Variants in C21orf58 observed in about 807,000 individuals in gnomAD.
The protein encoded by C21orf58 is chromosome 21 open reading frame 58, also known as uncharacterized protein C21orf58.
A neutral mutation model predicts 35.8 loss-of-function variants in C21orf58; 34 were observed. The observed-to-expected ratio is 0.95, with a 90% CI of 0.72 to 1.26. The LOEUF (loss-of-function observed/expected upper bound fraction) is 1.26, where lower values mean the gene tolerates loss of function less well. C21orf58 is among the 50% of genes most tolerant of loss of function. C21orf58 has a pLI of 0.00. For synonymous variants in C21orf58, 191 were observed against 175.8 expected, an observed-to-expected ratio of 1.09 and a Z score of -0.68; for missense variants, 440 against 414.3, an observed-to-expected ratio of 1.06 and a Z score of -0.54.
chr21:46,313,354 G>A (rs963447226), intron 5 of C21orf58, among the ~76,000 whole-genome samples: 4 of 152,192 alleles, frequency 2.6e-5, no homozygotes, highest in African/African-American at 7.2e-5. Flanking sequence ...GGCCAGCTCC[G>A]GTCTGAAGCT....
intron 1 of C21orf58, among the ~76,000 whole-genome samples, chr21:46,321,871 GGTGA>G (rs1213027352): frequency 6.6e-6 from 1 of 150,426 alleles, no homozygotes; most frequent in East Asian, 1.9e-4. Flanking sequence ...CCTCCTTGAG[GGTGA>G]GTATCTACAA....
chr21:46,321,425 A>G (rs969833042), intron 1 of C21orf58, among the ~76,000 whole-genome samples: 1 of 152,188 alleles, frequency 6.6e-6, no homozygotes, highest in Non-Finnish European at 1.5e-5. Context: ...ACACTTTGAC[A>G]GTTTCCTTAG....
intron 1 of C21orf58, 44 bp downstream of exon 1, chr21:46,322,595 A>T: frequency 6.9e-7 from 1 of 1,448,364 alleles, no homozygotes; most frequent in Non-Finnish European, 9.2e-7. Context: ...AAACCACCCA[A>T]TTCCGAGTCT....
intron 6 of C21orf58, among the ~76,000 whole-genome samples, chr21:46,308,645 T>C (rs1601660764): frequency 1.3e-5 from 2 of 151,820 alleles, no homozygotes; most frequent in Non-Finnish European, 2.9e-5. Context: ...TAATCCTCAA[T>C]GTGGCAGTAT....
intron 5 of C21orf58, among the ~76,000 whole-genome samples, chr21:46,311,844 CACCCATCTATCCACCT>C (rs1353684573): frequency 6.6e-6 from 1 of 151,118 alleles, no homozygotes; most frequent in Non-Finnish European, 1.5e-5. Flanking sequence ...ACCAACCACC[CACCCATCTATCCACCT>C]ACCCATCCAT....
intron 5 of C21orf58, among the ~76,000 whole-genome samples, chr21:46,311,918 CCCAT>C (rs1172055971): frequency 1.9e-4 from 27 of 145,676 alleles, no homozygotes; most frequent in Non-Finnish European, 3.5e-4. Context: ...CATCCACCCA[CCCAT>C]CCATCCAACC....
chr21:46,315,473 C>T lies in C21orf58; in HGVS notation c.444+1G>A. Reference sequence around the variant, plus strand: ...GTTCGCTCAGAGGGTGCAGGGCCTACCCGGAGTCTCTGCAGAAGGTCCCTC... The same window carrying T: ...GTTCGCTCAGAGGGTGCAGGGCCTATCCGGAGTCTCTGCAGAAGGTCCCTC... On this transcript the variant is annotated splice_donor_variant, in intron 4 of 7. Coordinates refer to ENST00000291691, the MANE Select transcript of C21orf58 (RefSeq NM_058180.5). LOFTEE classifies it high-confidence loss of function. 1 of 1,591,680 alleles carries T rather than the reference C, an allele frequency of 6.3e-7. No homozygotes were observed. The highest frequency in any genetic ancestry group is 8.6e-7 in the Non-Finnish European group (1 of 1,160,002).
intron 6 of C21orf58, among the ~76,000 whole-genome samples, chr21:46,306,511 C>A (rs998867040): frequency 1.3e-5 from 2 of 149,746 alleles, no homozygotes; most frequent in African/African-American, 5.1e-5. Flanking sequence ...AAAAAAAAAT[C>A]TTTTATGAAT....
chr21:46,317,668 C>T (rs1452210366), intron 2 of C21orf58, among the ~76,000 whole-genome samples: 5 of 152,222 alleles, frequency 3.3e-5, no homozygotes, highest in Admixed American at 1.3e-4. Flanking sequence ...CCTCTCATGG[C>T]GGCCTGTGGG....
At chr21:46,321,031 CT>C (rs898579436) in intron 1 of C21orf58, among the ~76,000 whole-genome samples, 2 of 151,188 alleles carry the variant, frequency 1.3e-5, no homozygotes, top group African/African-American at 4.9e-5. Flanking sequence ...ATTTGTCAGA[CT>C]TTTTTTTTAA....
In C21orf58 at chr21:46,315,459, G is replaced by C; in HGVS notation, c.444+15C>G. The C allele has an allele frequency of 6.5e-7, 1 of 1,538,186 alleles. No homozygotes were observed. The highest frequency in any genetic ancestry group is 9.0e-7 in the Non-Finnish European group (1 of 1,111,044). On this transcript the variant is annotated intron_variant, in intron 4 of 7. Transcript: ENST00000291691. ...GTGAGCTCAGCCAGGTTCGCTCAGA[G>C]GGTGCAGGGCCTACCCGGAGTCTCT...
chr21:46,322,752 G>A lies in C21orf58; in HGVS notation c.-14C>T. On this transcript the variant is annotated 5_prime_UTR_variant, in exon 1 of 8. It introduces an in-frame stop codon into an upstream open reading frame of the 5' UTR. Coordinates refer to ENST00000291691, the MANE Select transcript of C21orf58 (RefSeq NM_058180.5). Reference sequence around the variant, plus strand: ...AGATCGCGCCATTGCGCTATAGCCTGGGCGTCGCAGCGAGACTGTCTCAAA... The same window carrying A: ...AGATCGCGCCATTGCGCTATAGCCTAGGCGTCGCAGCGAGACTGTCTCAAA... 6.9e-7 allele frequency: 1 copy of A among 1,459,096 alleles called. No homozygotes were observed. The highest frequency in any genetic ancestry group is 1.3e-5 in the South Asian group (1 of 74,322). The allele number at this position is 1,459,096 out of a possible 1,614,324, so 90.4% of individuals were successfully genotyped here. A position where few individuals can be genotyped will look rare whatever the true frequency, so the allele number is the denominator to read the frequency against.
rs1350733411 is a variant in C21orf58, at chr21:46,318,079, G to A, written c.242C>T (p.Ala81Val). ...PPLPLQSSPA[A>V]PTMLDSSAAE... ...TGCTGATGAGTCCAGCATGGTGGGA[G>A]CTGCAGGAGACGACTGTAGGGGCAG... The change falls in exon 2 of 8, where the codon GCT becomes GTT. Residue 81 changes from alanine to valine, a missense_variant. Transcript: ENST00000291691. 3 of 1,613,294 alleles carry A rather than the reference G, an allele frequency of 1.9e-6. No homozygotes were observed. The highest frequency in any genetic ancestry group is 1.3e-5 in the African/African-American group (1 of 74,942).
Position 46,301,678 on chromosome 21 carries a change from G to T in C21orf58, c.*321C>A. 8.8e-7 allele frequency: 1 copy of T among 1,138,998 alleles called. No homozygotes were observed. The highest frequency in any genetic ancestry group is 1.6e-5 in the African/African-American group (1 of 62,474). The allele number at this position is 1,138,998 out of a possible 1,614,324, so 70.6% of individuals were successfully genotyped here. A position where few individuals can be genotyped will look rare whatever the true frequency, so the allele number is the denominator to read the frequency against. On this transcript the variant is annotated 3_prime_UTR_variant, in exon 8 of 8. Transcript: ENST00000291691. Reference sequence around the variant, plus strand: ...TCAACTTTACCTCCGTGATGGAAGAGGGGGATCTGAGGCTCCCAGGTGGGC... The same window carrying T: ...TCAACTTTACCTCCGTGATGGAAGATGGGGATCTGAGGCTCCCAGGTGGGC...
At chr21:46,316,030 C>T (rs945662277) in intron 3 of C21orf58, among the ~76,000 whole-genome samples, 1 of 152,082 alleles carries the variant, frequency 6.6e-6, no homozygotes, top group Non-Finnish European at 1.5e-5. Context: ...TCATGCCTGT[C>T]ATCTCAACAG....
rs150244712 is a variant in C21orf58 at position 46,322,699 on chromosome 21, G to A, written c.40C>T (p.Pro14Ser). 8.2e-6 allele frequency: 13 copies of A among 1,576,908 alleles called. No individual in the cohort carries two copies. Among genetic ancestry groups the A allele is most frequent in the South Asian group, 1.2e-5 (1 of 86,088 alleles). ...AGTTTCTGGCGGTCGAGCTTCCACG[G>A]CTTCCTGAGGGAGGTTGCAGGGAGC... ...SRLPATSLRK[P>S]WKLDRQKLPS... The change falls in exon 1 of 8, where the codon CCG becomes TCG. Residue 14 changes from proline (P) to serine (S), a missense_variant. Coordinates refer to ENST00000291691, the MANE Select transcript of C21orf58 (RefSeq NM_058180.5).
At position 46,301,758 on chromosome 21, in the gene C21orf58, G is replaced by A. The variant is rs1206523435; in HGVS notation, c.*241C>T. On this transcript the variant is annotated 3_prime_UTR_variant, in exon 8 of 8. Coordinates refer to ENST00000291691, the MANE Select transcript of C21orf58 (RefSeq NM_058180.5). ...CCTGGGAGGGGCTGTTGCCCTGGTG[G>A]GGTTCACAGGCCCCTCACTGCAGGG... 1 of 1,223,480 alleles carries A rather than the reference G, an allele frequency of 8.2e-7. No homozygotes were observed. The highest frequency in any genetic ancestry group is 4.1e-5 in the South Asian group (1 of 24,356). 75.8% of individuals were successfully genotyped at this position (1,223,480 alleles called of 1,614,324 possible).
At chr21:46,309,242 T>C (rs2082559424) in intron 6 of C21orf58, among the ~76,000 whole-genome samples, 1 of 151,840 alleles carries the variant, frequency 6.6e-6, no homozygotes, top group East Asian at 1.9e-4. Context: ...AGGCAGATCA[T>C]CTGAGGTCAG....
intron 6 of C21orf58, among the ~76,000 whole-genome samples, chr21:46,307,981 A>C (rs2082496939): frequency 1.3e-5 from 2 of 152,214 alleles, no homozygotes; most frequent in South Asian, 4.1e-4. Flanking sequence ...ACACTAGATA[A>C]CAGTTTGGCA....
Sources: allele counts gnomAD v4.1 joint callset (sites outside exome capture counted in the v4.1 genomes callset), GRCh38; gene constraint gnomAD v4.1.1; transcripts MANE v1.5; gene names NCBI Gene and HGNC (gene_info 2026-07-23, HGNC 2026-07-21).